DNAI7: variants seen among roughly 807,000 people sequenced by gnomAD.
DNAI7 encodes the protein cancer susceptibility 1.
Under a neutral mutation model 86.6 loss-of-function variants are expected in DNAI7, and 78 were observed. The ratio of observed to expected loss-of-function variants is 0.90; its 90% CI spans 0.75 to 1.09. The LOEUF (loss-of-function observed/expected upper bound fraction) is 1.09, where lower values mean the gene tolerates loss of function less well. DNAI7 is among the 50% of genes least tolerant of loss of function. DNAI7 has a pLI of 0.00. For synonymous variants in DNAI7, 274 were observed against 273.0 expected (o/e 1.00, Z -0.04); for missense variants, 753 against 810.2 (o/e 0.93, Z 0.86).
In DNAI7 at chr12:25,189,045, A is replaced by AG. The variant is rs1167455003; in HGVS notation, c.21+1568dup. Among the ~76,000 whole-genome samples the AG allele has an allele frequency of 7.0e-4, 106 of 152,358 alleles. 1 individual carries two copies. Among genetic ancestry groups the AG allele is most frequent in the African/African-American group, 2.4e-3 (100 of 41,590 alleles). On this transcript the variant is annotated intron_variant, in intron 2 of 15. Coordinates refer to ENST00000395987, the MANE Select transcript of DNAI7 (RefSeq NM_018272.5). ...CCAAGTGACTGACAGAAGCAAACAA[A>AG]GAAGGCACTCAATGGTATTTCTTGA... is the stretch of plus-strand genomic sequence containing the variant.
intron 9 of DNAI7, among the ~76,000 whole-genome samples, chr12:25,139,479 G>A (rs375242705): frequency 1.8e-4 from 27 of 152,156 alleles, no homozygotes; most frequent in East Asian, 1.5e-3. Context: ...TTAGCTAACC[G>A]AATCCAACAG....
Position 25,146,599 on chromosome 12 carries a change from C to CAAAAAAAAAA in DNAI7, c.689+392_689+401dup, listed in dbSNP as rs55857702. ...TGGACGACAGAGCAAGACTGTGTCTCAAAAAAAAAAGAAAAAGAAAGCACC... is the reference window on the plus strand; with the variant it reads ...TGGACGACAGAGCAAGACTGTGTCTCAAAAAAAAAAAAAAAAAAAAGAAAAAGAAAGCACC... On this transcript the variant is annotated intron_variant, in intron 8 of 15. Transcript: ENST00000395987. Among the ~76,000 whole-genome samples the CAAAAAAAAAA allele has an allele frequency of 1.3e-3, 186 of 140,432 alleles. 2 individuals are homozygous for CAAAAAAAAAA. The East Asian group carries it at 0.033, about 25-fold the overall frequency. The allele number at this position is 140,432 out of a possible 152,430, so 92.1% of individuals were successfully genotyped here.
chr12:25,132,289 C>T (rs973986074), intron 9 of DNAI7, among the ~76,000 whole-genome samples: 20 of 152,046 alleles, frequency 1.3e-4, no homozygotes, highest in African/African-American at 4.8e-4. Context: ...TTCTTTCCCC[C>T]ACCACCAAAA....
chr12:25,120,523 C>A (rs1941108503), intron 11 of DNAI7, among the ~76,000 whole-genome samples: 1 of 151,570 alleles, frequency 6.6e-6, no homozygotes, highest in Admixed American at 6.6e-5. Flanking sequence ...GAAATCGAGA[C>A]CATCCTGGCT....
At chr12:25,158,231 GA>G (rs1028413734) in intron 4 of DNAI7, among the ~76,000 whole-genome samples, 70 of 139,122 alleles carry the variant, frequency 5.0e-4, no homozygotes, top group Middle Eastern at 3.7e-3. Context: ...TCCATCTCAA[GA>G]AAAAAAAAAA....
At chr12:25,163,191 T>C (rs1947027676) in intron 2 of DNAI7, among the ~76,000 whole-genome samples, 1 of 152,144 alleles carries the variant, frequency 6.6e-6, no homozygotes, top group African/African-American at 2.4e-5. Flanking sequence ...AAAGCAATGG[T>C]ACCTCACATT....
At chr12:25,111,047 C>T (rs1360159709) in intron 14 of DNAI7, among the ~76,000 whole-genome samples, 1 of 152,084 alleles carries the variant, frequency 6.6e-6, no homozygotes, top group African/African-American at 2.4e-5. Flanking sequence ...TGTACATACA[C>T]TTATTTCTAA....
At chr12:25,139,701 G>T (rs544770215) in intron 9 of DNAI7, among the ~76,000 whole-genome samples, 1 of 152,246 alleles carries the variant, frequency 6.6e-6, no homozygotes, top group African/African-American at 2.4e-5. Context: ...CCTGTCGGGG[G>T]ATGGGGTGAT....
chr12:25,112,911 G>A (rs555185912), intron 13 of DNAI7, among the ~76,000 whole-genome samples: 2 of 152,282 alleles, frequency 1.3e-5, no homozygotes, highest in East Asian at 3.9e-4. Flanking sequence ...ACGGCTGGTA[G>A]CTACCACATT....
At chr12:25,185,798 T>C (rs565527711) in intron 2 of DNAI7, 4 of 980,668 alleles carry the variant, frequency 4.1e-6, no homozygotes, top group South Asian at 9.4e-5. Context: ...TAAATGAAAA[T>C]AGAATTTAAA....
intron 6 of DNAI7, among the ~76,000 whole-genome samples, chr12:25,154,092 C>T (rs1945875175): frequency 1.3e-5 from 2 of 151,744 alleles, no homozygotes. Context: ...ATTAGACAGA[C>T]AAATAATCAA....
chr12:25,114,118 G>C (rs1939589193), intron 13 of DNAI7, among the ~76,000 whole-genome samples: 1 of 151,778 alleles, frequency 6.6e-6, no homozygotes, highest in Admixed American at 6.6e-5. Flanking sequence ...GCTAATTTTT[G>C]TATTTTTAGT....
intron 9 of DNAI7, among the ~76,000 whole-genome samples, chr12:25,136,627 G>A (rs1565690247): frequency 6.6e-6 from 1 of 152,140 alleles, no homozygotes; most frequent in Non-Finnish European, 1.5e-5. Context: ...AGTCATCAGA[G>A]AAAGGTGAAA....
rs1437789759 is a variant in DNAI7, at chr12:25,114,687, G to A, written c.1580C>T (p.Thr527Ile). ...DVNKVLLTVTTVFTEIQIQIK... is the reference protein window; with the variant it reads ...DVNKVLLTVTIVFTEIQIQIK... ...TTGTATTTGAATCTCAGTAAATACT[G>A]TAGTCACAGTTAAAAGTACTTTATT... is the stretch of plus-strand genomic sequence containing the variant. The change falls in exon 13 of 16, where the codon ACA becomes ATA. Residue 527 changes from threonine (T) to isoleucine (I), a missense_variant. Coordinates refer to ENST00000395987, the MANE Select transcript of DNAI7 (RefSeq NM_018272.5). 1.2e-6 allele frequency: 2 copies of A among 1,612,156 alleles called. No homozygotes were observed. Among genetic ancestry groups the A allele is most frequent in the Non-Finnish European group, 1.7e-6 (2 of 1,178,396 alleles).
At chr12:25,185,412 C>A (rs1309702248) in intron 2 of DNAI7, among the ~76,000 whole-genome samples, 1 of 152,146 alleles carries the variant, frequency 6.6e-6, no homozygotes, top group African/African-American at 2.4e-5. Context: ...TTTATCATAT[C>A]ACTTTCACCA....
rs576544903 is a variant in DNAI7 at position 25,171,323 on chromosome 12, C to T, written c.22-10126G>A. Reference sequence around the variant, plus strand: ...ACTGACGCCACTGAAATACAAAAGACATTCAAGGCTACTATGAACACCTTT... The same window carrying T: ...ACTGACGCCACTGAAATACAAAAGATATTCAAGGCTACTATGAACACCTTT... On this transcript the variant is annotated intron_variant, in intron 2 of 15. Transcript: ENST00000395987. Among the ~76,000 whole-genome samples, 3 of 152,178 alleles carry T rather than the reference C, an allele frequency of 2.0e-5. No homozygotes were observed. In the East Asian group the frequency reaches 5.8e-4, roughly 29 times the overall value.
chr12:25,160,221 G>A (rs143439621), intron 3 of DNAI7, among the ~76,000 whole-genome samples: 298 of 152,122 alleles, frequency 2.0e-3, no homozygotes, highest in African/African-American at 6.5e-3. Context: ...TCAAGATAGG[G>A]TTACCAGAAT....
At chr12:25,128,986 T>C (rs1422138973) in intron 9 of DNAI7, among the ~76,000 whole-genome samples, 1 of 152,228 alleles carries the variant, frequency 6.6e-6, no homozygotes, top group African/African-American at 2.4e-5. Context: ...AAGCCTGACT[T>C]TATCTGGCTT....
intron 7 of DNAI7, among the ~76,000 whole-genome samples, chr12:25,147,543 C>T (rs1945032085): frequency 6.6e-6 from 1 of 151,994 alleles, no homozygotes; most frequent in South Asian, 2.1e-4. Context: ...AGCTACCTGG[C>T]AGCTGGGAGG....
Sources: gnomAD v4.1 joint callset for allele counts (sites outside exome capture counted in the v4.1 genomes callset) on GRCh38, gnomAD v4.1.1 for gene constraint, MANE v1.5 for transcripts, NCBI Gene and HGNC (gene_info 2026-07-23, HGNC 2026-07-21) for gene names.